The following VWA7 variants were observed in gnomAD, a reference collection of about 807,000 sequenced individuals.
VWA7 encodes von Willebrand factor A domain containing 7, also known as von Willebrand factor A domain-containing protein 7.
Under a neutral mutation model 83.1 loss-of-function variants are expected in VWA7, and 66 were observed. The observed-to-expected ratio is 0.79, with a 90% CI of 0.65 to 0.98. VWA7 has a LOEUF of 0.98. VWA7 is among the 50% of genes least tolerant of loss of function. VWA7 has a pLI of 0.00. For synonymous variants in VWA7, 424 were observed against 488.5 expected (o/e 0.87, Z 1.74); for missense variants, 1,080 against 1,160.2 (o/e 0.93, Z 1.00).
intron 7 of VWA7, among the ~76,000 whole-genome samples, chr6:31,771,023 A>G (rs1213206256): frequency 4.0e-5 from 6 of 149,642 alleles, no homozygotes; most frequent in South Asian, 2.1e-4. Context: ...AAAAAAAAAA[A>G]AAAGAAAGAA....
rs1179394055 is a variant in VWA7 at position 31,769,041 on chromosome 6, C to CA, written c.1479dup (p.Val494CysfsTer81). 6.2e-6 allele frequency: 10 copies of CA among 1,612,192 alleles called. No individual in the cohort carries two copies. Among genetic ancestry groups the CA allele is most frequent in the Non-Finnish European group, 8.5e-6 (10 of 1,179,716 alleles). On this transcript the variant is annotated frameshift_variant, in exon 10 of 17. Coordinates refer to ENST00000375688, the MANE Select transcript of VWA7 (RefSeq NM_025258.3). LOFTEE classifies it high-confidence loss of function. The surrounding 1 kb of genome is among the most constrained non-coding windows in gnomAD (Gnocchi z 4.5). ...ACCAGGGCAGCCATGCTCTCCCCAA[C>CA]AATGGCTGCCACGTCTCGAATGTGC... is the stretch of plus-strand genomic sequence containing the variant.
Position 31,775,983 on chromosome 6 carries a change from G to A in VWA7, c.494C>T (p.Ala165Val). The change falls in exon 3 of 17, where the codon GCT becomes GTT. Residue 165 changes from alanine to valine, a missense_variant. Coordinates refer to ENST00000375688, the MANE Select transcript of VWA7 (RefSeq NM_025258.3). This position sits in a 1 kb window ranked among gnomAD's most constrained non-coding sequence, Gnocchi z 5.9. The part of the protein sequence containing the change: ...DHTLARQRLG[A>V]ALHALQDFYS... Reference sequence around the variant, plus strand: ...TCTCACCTGCAGGGCATGAAGTGCAGCCCCGAGGCGCTGGCGAGCCAGGGT... The same window carrying A: ...TCTCACCTGCAGGGCATGAAGTGCAACCCCGAGGCGCTGGCGAGCCAGGGT... 6.2e-7 allele frequency: 1 copy of A among 1,611,346 alleles called. No individual in the cohort carries two copies. Among genetic ancestry groups the A allele is most frequent in the Non-Finnish European group, 8.5e-7 (1 of 1,179,268 alleles).
In VWA7 at chr6:31,773,584, C is replaced by T. The variant is rs1441782230; in HGVS notation, c.722-147G>A. 17 of 826,854 alleles carry T rather than the reference C, an allele frequency of 2.1e-5. No homozygotes were observed. The highest frequency in any genetic ancestry group is 1.5e-4 in the Admixed American group (5 of 32,490). The allele number at this position is 826,854 out of a possible 1,614,324, so 51.2% of individuals were successfully genotyped here. A position where few individuals can be genotyped will look rare whatever the true frequency, so the allele number is the denominator to read the frequency against. On this transcript the variant is annotated intron_variant, in intron 5 of 16. Coordinates refer to ENST00000375688, the MANE Select transcript of VWA7 (RefSeq NM_025258.3). This position sits in a 1 kb window ranked among gnomAD's most constrained non-coding sequence, Gnocchi z 5.3. ...ATGACGGGGTTGGCGCGGTGGCTCA[C>T]GCCTGGAATCCCAGCGCTTTGGGAG... is the stretch of plus-strand genomic sequence containing the variant.
Position 31,776,066 on chromosome 6 carries a change from G to A in VWA7, c.411C>T (p.Arg137=), listed in dbSNP as rs753375007. Residue 137 remains arginine, a synonymous_variant, in exon 3 of 17, where the codon CGC becomes CGT. Coordinates refer to ENST00000375688, the MANE Select transcript of VWA7 (RefSeq NM_025258.3). The surrounding 1 kb of genome is among the most constrained non-coding windows in gnomAD (Gnocchi z 6.2). ...CCCGCAGAGCCCCTACCAGGCGCGC[G>A]CGTCCCTGACCCAGTCGCTCAGCAT... ...HFDAERLGQG[R]ARLVGALRET... 31 of 1,613,720 alleles carry A rather than the reference G, an allele frequency of 1.9e-5. 1 individual carries two copies. The highest frequency in any genetic ancestry group is 6.7e-5 in the East Asian group (3 of 44,888).
chr6:31,766,477 G>T lies in VWA7; in HGVS notation c.2170C>A (p.Pro724Thr). 1.3e-6 allele frequency: 2 copies of T among 1,598,660 alleles called. No homozygotes were observed. Among genetic ancestry groups the T allele is most frequent in the Non-Finnish European group, 1.7e-6 (2 of 1,171,820 alleles). The change falls in exon 14 of 17, where the codon CCT (proline) becomes ACT (threonine). Residue 724 changes from proline (P) to threonine (T), a missense_variant. By Grantham distance (38) the Pro-to-Thr change is conservative. Coordinates refer to ENST00000375688, the MANE Select transcript of VWA7 (RefSeq NM_025258.3). This position sits in a 1 kb window ranked among gnomAD's most constrained non-coding sequence, Gnocchi z 4.9. ...TGGCGTCTCACCTCCAGAAGGACAG[G>T]GACTACAGTGCTAGGCTGAGGGGCA... ...RAAPQPSTVV[P>T]VLLELSGPSG...
chr6:31,766,786 G>C lies in VWA7; in HGVS notation c.1883-22C>G, dbSNP rs772330803. ...AGACCTGGGACAGGGGCGAGGAGGG[G>C]AGAACATTGTGAGATTCGGAGACAC... On this transcript the variant is annotated intron_variant, in intron 13 of 16. Transcript: ENST00000375688. The surrounding 1 kb of genome is among the most constrained non-coding windows in gnomAD (Gnocchi z 4.9). The C allele has an allele frequency of 4.4e-6, 7 of 1,580,476 alleles. No homozygotes were observed. In the East Asian group the frequency reaches 1.4e-4, roughly 31 times the overall value.
At position 31,769,022 on chromosome 6, in the gene VWA7, G is replaced by A. The variant is rs1398112697; in HGVS notation, c.1499C>T (p.Ala500Val). ...AGGGCCCTGGCCCCCACTTACCAGG[G>A]CAGCCATGCTCTCCCCAACAATGGC... is the stretch of plus-strand genomic sequence containing the variant. ...VAAIVGESMA[A>V]LVTLPLDPPV... The change falls in exon 10 of 17, where the codon GCC (alanine) becomes GTC (valine). Residue 500 changes from alanine (A) to valine (V), a missense_variant. Transcript: ENST00000375688. The surrounding 1 kb of genome is among the most constrained non-coding windows in gnomAD (Gnocchi z 4.5). The A allele has an allele frequency of 6.2e-7, 1 of 1,610,090 alleles. No individual in the cohort carries two copies. Among genetic ancestry groups the A allele is most frequent in the Non-Finnish European group, 8.5e-7 (1 of 1,178,764 alleles).
Position 31,776,625 on chromosome 6 carries a change from G to A in VWA7, c.155C>T (p.Ala52Val). 1 of 1,549,202 alleles carries A rather than the reference G, an allele frequency of 6.5e-7. No homozygotes were observed. The highest frequency in any genetic ancestry group is 8.7e-7 in the Non-Finnish European group (1 of 1,146,262). Residue 52 changes from alanine to valine, a missense_variant, in exon 2 of 17, where the codon GCA (alanine) becomes GTA (valine). Coordinates refer to ENST00000375688, the MANE Select transcript of VWA7 (RefSeq NM_025258.3). This position sits in a 1 kb window ranked among gnomAD's most constrained non-coding sequence, Gnocchi z 6.2. Reference protein sequence around the residue: ...SITHQDLTEEAALNVTLQLFL... With the variant: ...SITHQDLTEEVALNVTLQLFL... ...GAGCTGCAGGGTGACGTTGAGCGCT[G>A]CCTCCTCAGTTAGGTCTTGGTGGGT...
At chr6:31,770,694 T>G (rs1257028581) in intron 7 of VWA7, among the ~76,000 whole-genome samples, 2 of 151,658 alleles carry the variant, frequency 1.3e-5, no homozygotes, top group Non-Finnish European at 2.9e-5. Context: ...ATGGTGGCAT[T>G]TCCTGTAGGC....
chr6:31,766,455 C>G lies in VWA7; in HGVS notation c.2184+8G>C, dbSNP rs765821178. On this transcript the variant is annotated splice_region_variant and intron_variant, in intron 14 of 16. Coordinates refer to ENST00000375688, the MANE Select transcript of VWA7 (RefSeq NM_025258.3). This position sits in a 1 kb window ranked among gnomAD's most constrained non-coding sequence, Gnocchi z 4.9. The stretch of plus-strand genomic sequence containing the variant: ...CAGCCCCAGCCGCACTTTCCCCTGG[C>G]GTCTCACCTCCAGAAGGACAGGGAC... The G allele has an allele frequency of 1.3e-6, 2 of 1,584,426 alleles. No homozygotes were observed. Among genetic ancestry groups the G allele is most frequent in the African/African-American group, 1.3e-5 (1 of 74,274 alleles).
Position 31,773,406 on chromosome 6 carries a change from C to G in VWA7, c.753G>C (p.Arg251=), listed in dbSNP as rs569882515. ...GKCSHGGHFD[R]SSSQPPRGGI... is the part of the protein sequence containing the mutation. ...CTCCCCTCGGTGGCTGGGAGCTGCT[C>G]CGGTCAAAATGGCCCCCGTGGCTAC... The change falls in exon 6 of 17, where the codon CGG becomes CGC. Residue 251 remains arginine, a synonymous_variant. Transcript: ENST00000375688. This position sits in a 1 kb window ranked among gnomAD's most constrained non-coding sequence, Gnocchi z 5.3. 6.2e-7 allele frequency: 1 copy of G among 1,602,992 alleles called. No homozygotes were observed. The highest frequency in any genetic ancestry group is 2.2e-5 in the East Asian group (1 of 44,616).
chr6:31,772,654 A>G (rs1007549359), intron 7 of VWA7, among the ~76,000 whole-genome samples: 8 of 125,672 alleles, frequency 6.4e-5, no homozygotes, highest in African/African-American at 2.5e-4. Flanking sequence ...CTGGAGTGCA[A>G]AGGCACGATC....
chr6:31,777,040 G>A lies in VWA7; in HGVS notation c.-16+69C>T, dbSNP rs576400599. 45 of 413,136 alleles carry A rather than the reference G, an allele frequency of 1.1e-4. No homozygotes were observed. The highest frequency in any genetic ancestry group is 4.7e-4 in the African/African-American group (23 of 48,840). 25.6% of individuals were successfully genotyped at this position (413,136 alleles called of 1,614,324 possible). A position where few individuals can be genotyped will look rare whatever the true frequency, so the allele number is the denominator to read the frequency against. ...GCCCCCCTCCCCAGTCCCTGGCTGC[G>A]TCCCCAGCCCTGCCGCAGAAACACT... is the stretch of plus-strand genomic sequence containing the variant. On this transcript the variant is annotated intron_variant, in intron 1 of 16. Transcript: ENST00000375688. This position sits in a 1 kb window ranked among gnomAD's most constrained non-coding sequence, Gnocchi z 5.8.
At position 31,773,170 on chromosome 6, in the gene VWA7, C is replaced by G; in HGVS notation, c.918-47G>C. The G allele has an allele frequency of 6.3e-7, 1 of 1,595,498 alleles. No individual in the cohort carries two copies. Among genetic ancestry groups the G allele is most frequent in the Non-Finnish European group, 8.5e-7 (1 of 1,171,702 alleles). On this transcript the variant is annotated intron_variant, in intron 6 of 16. Transcript: ENST00000375688. The surrounding 1 kb of genome is among the most constrained non-coding windows in gnomAD (Gnocchi z 5.3). ...CAGTGAAGGGCCTGCACGTTTGTCC[C>G]CAGCGCCTGGTTTCTCCCTTCCCGC...
Position 31,766,168 on chromosome 6 carries a change from G to C in VWA7, c.2324+77C>G. ...GGAGGATTCTGAGGGCCAGTCGGAG[G>C]GGGACAGGGGCAGGGCTTGGGATAA... On this transcript the variant is annotated intron_variant, in intron 15 of 16. Transcript: ENST00000375688. This position sits in a 1 kb window ranked among gnomAD's most constrained non-coding sequence, Gnocchi z 4.9. 1 of 1,593,982 alleles carries C rather than the reference G, an allele frequency of 6.3e-7. No homozygotes were observed. Among genetic ancestry groups the C allele is most frequent in the Non-Finnish European group, 8.6e-7 (1 of 1,168,728 alleles).
In VWA7 at chr6:31,765,615, C is replaced by G. The variant is rs757139015; in HGVS notation, c.2655G>C (p.Leu885=). The G allele has an allele frequency of 6.2e-7, 1 of 1,611,136 alleles. No homozygotes were observed. The highest frequency in any genetic ancestry group is 1.1e-5 in the South Asian group (1 of 90,752). The change falls in exon 17 of 17, where the codon CTG becomes CTC. Residue 885 remains leucine, a synonymous_variant. Coordinates refer to ENST00000375688, the MANE Select transcript of VWA7 (RefSeq NM_025258.3). ...TGTGTCACCAGGAGGCCAGGCCTAG[C>G]AGAAGCAGCACCCCTCCAACTGTGC... ...WWGTVGGVLL[L]LGLASW
At chr6:31,768,379 C>A (rs1269159662) in intron 10 of VWA7, among the ~76,000 whole-genome samples, 1 of 150,710 alleles carries the variant, frequency 6.6e-6, no homozygotes, top group Non-Finnish European at 1.5e-5. Flanking sequence ...GAGACCAAGG[C>A]AGGAGGATCA....
At chr6:31,771,114 T>C (rs1481454732) in intron 7 of VWA7, among the ~76,000 whole-genome samples, 1 of 151,680 alleles carries the variant, frequency 6.6e-6, no homozygotes, top group Non-Finnish European at 1.5e-5. Flanking sequence ...GAGGACTAAA[T>C]GAGTTGATTT....
chr6:31,776,557 C>G lies in VWA7; in HGVS notation c.223G>C (p.Glu75Gln). The G allele has an allele frequency of 6.5e-7, 1 of 1,547,362 alleles. No individual in the cohort carries two copies. The highest frequency in any genetic ancestry group is 8.7e-7 in the Non-Finnish European group (1 of 1,145,476). Residue 75 changes from glutamate (E) to glutamine (Q), a missense_variant, in exon 2 of 17, where the codon GAG (glutamate) becomes CAG (glutamine). Physicochemically the swap from Glu to Gln is conservative, Grantham distance 29 (BLOSUM62 2). Coordinates refer to ENST00000375688, the MANE Select transcript of VWA7 (RefSeq NM_025258.3). This position sits in a 1 kb window ranked among gnomAD's most constrained non-coding sequence, Gnocchi z 6.2. Reference sequence around the variant, plus strand: ...CCTGGGATGCTCACCAGGAAGTCCTCAAGACGAAGAGGGGGGCGGCCTGGG... The same window carrying G: ...CCTGGGATGCTCACCAGGAAGTCCTGAAGACGAAGAGGGGGGCGGCCTGGG... ...PPPGRPPLRL[E>Q]DFLGRTLLAD...
Sources: allele counts gnomAD v4.1 joint callset (sites outside exome capture counted in the v4.1 genomes callset), GRCh38; gene constraint gnomAD v4.1.1; non-coding constraint Gnocchi (gnomAD v3.1); transcripts MANE v1.5; gene names NCBI Gene and HGNC (gene_info 2026-07-23, HGNC 2026-07-21).